Variants in NOBOX observed in about 807,000 individuals in gnomAD.
The protein encoded by NOBOX is NOBOX oogenesis homeobox, also known as homeobox protein NOBOX.
A neutral mutation model predicts 60.2 loss-of-function variants in NOBOX; 46 were observed. The observed-to-expected ratio is 0.76, with a 90% confidence interval of 0.60 to 0.98. The LOEUF (loss-of-function observed/expected upper bound fraction) is 0.98. NOBOX is among the 50% of genes least tolerant of loss of function. The pLI is 0.00. For missense variants in NOBOX, 880 were observed against 865.5 expected (o/e 1.02, Z -0.21); for synonymous variants, 360 against 346.3 (o/e 1.04, Z -0.44).
chr7:144,399,225 G>A (rs766626438), intron 7 of NOBOX, 47 bp from the exon 6 acceptor site: 5 of 1,023,556 alleles, frequency 4.9e-6, no homozygotes, highest in Middle Eastern at 2.1e-4. Flanking sequence ...GGAAATGGGA[G>A]GCAGGTTTGG....
intron 4 of NOBOX, 70 bp from the exon 3 acceptor site, chr7:144,400,382 G>A: frequency 7.2e-7 from 1 of 1,390,920 alleles, no homozygotes. Context: ...AAAGAGAGGT[G>A]CTCACCAAGT....
rs759956117 is a variant in NOBOX at position 144,401,406 on chromosome 7, G to A, written c.484C>T (p.Pro162Ser). 4.3e-6 allele frequency: 7 copies of A among 1,612,940 alleles called. 1 individual carries two copies. The South Asian group carries it at 5.5e-5, about 13-fold the overall frequency. Residue 162 changes from proline (P) to serine (S), a missense_variant, in exon 4 of 10, where the codon CCC (proline) becomes TCC (serine). By Grantham distance (74) the Pro-to-Ser change is moderately conservative (BLOSUM62 -1). Transcript: ENST00000467773. This position sits in a 1 kb window ranked among gnomAD's most constrained non-coding sequence, Gnocchi z 4.2. ...TCTTTGTGGGGAGCCCTGGAGCGGG[G>A]GGGCGGGCACAGTCTCCCAGCATCA...
chr7:144,396,964 G>A (rs980148742), downstream of NOBOX, among the ~76,000 whole-genome samples: 1 of 152,122 alleles, frequency 6.6e-6, no homozygotes, highest in African/African-American at 2.4e-5. Flanking sequence ...GTCAAGCAAG[G>A]ATAGGAAACA....
chr7:144,399,593 G>C (rs1234555112), intron 6 of NOBOX, 111 bp from the exon 5 acceptor site: 1 of 1,154,884 alleles, frequency 8.7e-7, no homozygotes, highest in Non-Finnish European at 1.3e-6. Flanking sequence ...ACAGGGCATT[G>C]GCAACTTCCC....
chr7:144,400,230 C>T lies in NOBOX; in HGVS notation c.927G>A (p.Val309=), dbSNP rs1342743876. 1 of 1,614,080 alleles carries T rather than the reference C, an allele frequency of 6.2e-7. No homozygotes were observed. Among genetic ancestry groups the T allele is most frequent in the South Asian group, 1.1e-5 (1 of 91,082 alleles). The change falls in exon 5 of 10, where the codon GTG becomes GTA. Residue 309 remains valine, a synonymous_variant. Coordinates refer to ENST00000467773, the MANE Select transcript of NOBOX (RefSeq NM_001080413.3). ...CCATGATGCGCTGGGGGGTCACCCCCACCGTCTGGGCAATCTCTCGGCGTT... is the reference window on the plus strand; with the variant it reads ...CCATGATGCGCTGGGGGGTCACCCCTACCGTCTGGGCAATCTCTCGGCGTT...
At chr7:144,403,009 G>A (rs1021188696) in intron 2 of NOBOX, among the ~76,000 whole-genome samples, 8 of 152,178 alleles carry the variant, frequency 5.3e-5, no homozygotes, top group Middle Eastern at 3.4e-3. Context: ...CACCAGCCTC[G>A]CCCTCCCAAC....
At position 144,399,267 on chromosome 7, in the gene NOBOX, A is replaced by G. The variant is rs1008810833; in HGVS notation, c.1241-89T>C. On this transcript the variant is annotated intron_variant, in intron 7 of 9. Transcript: ENST00000467773. ...TGAATGGTAGACACAAGCCATGCCC[A>G]GGTCCCCCTGAATAGGCCCTGCTGG... 9 of 941,196 alleles carry G rather than the reference A, an allele frequency of 9.6e-6. No individual in the cohort carries two copies. The African/African-American group carries it at 1.5e-4, about 15-fold the overall frequency. 58.3% of individuals were successfully genotyped at this position (941,196 alleles called of 1,614,324 possible).
intron 2 of NOBOX, among the ~76,000 whole-genome samples, chr7:144,402,580 C>A (rs1000047551): frequency 6.6e-6 from 1 of 151,970 alleles, no homozygotes; most frequent in Non-Finnish European, 1.5e-5. Context: ...ATCAAATGAT[C>A]CCCCCACTTT....
intron 1 of NOBOX, among the ~76,000 whole-genome samples, chr7:144,405,741 A>C (rs547854151): frequency 6.6e-6 from 1 of 151,432 alleles, no homozygotes; most frequent in East Asian, 1.9e-4. Flanking sequence ...TGTTCTTAAA[A>C]CCCCCTGGAT....
In NOBOX at chr7:144,404,573, G is replaced by T; in HGVS notation, c.193C>A (p.Leu65Met). ...CCCCGTACTGATTTGAGGGTCTCCA[G>T]AGCACAAAGGCTGCACCGGATGATG... The change falls in exon 2 of 10, where the codon CTG (leucine) becomes ATG (methionine). Residue 65 changes from leucine to methionine, a missense_variant. Transcript: ENST00000467773. 6.2e-7 allele frequency: 1 copy of T among 1,613,414 alleles called. No homozygotes were observed. Among genetic ancestry groups the T allele is most frequent in the South Asian group, 1.1e-5 (1 of 90,684 alleles).
At position 144,401,948 on chromosome 7, in the gene NOBOX, G is replaced by A. The variant is rs1397271036; in HGVS notation, c.213C>T (p.Pro71=). 5.6e-6 allele frequency: 9 copies of A among 1,610,570 alleles called. No homozygotes were observed. Among genetic ancestry groups the A allele is most frequent in the Non-Finnish European group, 7.6e-6 (9 of 1,177,054 alleles). ...CAGGTATCTCTAAGGGATCATGTTG[G>A]GGCTGCGGATGGACCAGGAAGACAA... The change falls in exon 3 of 10, where the codon CCC becomes CCT. Residue 71 remains proline, a splice_region_variant and synonymous_variant. Coordinates refer to ENST00000467773, the MANE Select transcript of NOBOX (RefSeq NM_001080413.3). The surrounding 1 kb of genome is among the most constrained non-coding windows in gnomAD (Gnocchi z 4.2).
rs1373186990 is a variant in NOBOX, at chr7:144,400,186, A to G, written c.971T>C (p.Leu324Pro). ...CCCTCCGCCACTCCACCCTGCCACC[A>G]GTGAGCCGGCCCCCTTTACCATGAT... The change falls in exon 5 of 10, where the codon CTG (leucine) becomes CCG (proline). Residue 324 changes from leucine to proline, a missense_variant. Coordinates refer to ENST00000467773, the MANE Select transcript of NOBOX (RefSeq NM_001080413.3). 2 of 1,614,002 alleles carry G rather than the reference A, an allele frequency of 1.2e-6. No homozygotes were observed. The highest frequency in any genetic ancestry group is 1.7e-6 in the Non-Finnish European group (2 of 1,179,894).
rs376059103 is a variant in NOBOX at position 144,404,692 on chromosome 7, G to A, written c.86-12C>T. 4 of 1,613,012 alleles carry A rather than the reference G, an allele frequency of 2.5e-6. No homozygotes were observed. Among genetic ancestry groups the A allele is most frequent in the Non-Finnish European group, 3.4e-6 (4 of 1,179,504 alleles). Reference sequence around the variant, plus strand: ...AGCCAGGGGCGGCCCTGCCAGGGACGGTGTGGTTACTGTGTTTCCATCCAT... The same window carrying A: ...AGCCAGGGGCGGCCCTGCCAGGGACAGTGTGGTTACTGTGTTTCCATCCAT... On this transcript the variant is annotated splice_polypyrimidine_tract_variant and intron_variant, in intron 1 of 9. Transcript: ENST00000467773.
Position 144,404,653 on chromosome 7 carries a change from G to C in NOBOX, c.113C>G (p.Pro38Arg). ...GTAGATCCGGTACAGTCCACACACA[G>C]GAAATTCAGGTACAGCCAGGGGCGG... Residue 38 changes from proline to arginine, a missense_variant, in exon 2 of 10, where the codon CCT (proline) becomes CGT (arginine). By Grantham distance (103) the Pro-to-Arg change is moderately radical. Coordinates refer to ENST00000467773, the MANE Select transcript of NOBOX (RefSeq NM_001080413.3). 3 of 1,613,914 alleles carry C rather than the reference G, an allele frequency of 1.9e-6. No homozygotes were observed. The highest frequency in any genetic ancestry group is 2.5e-6 in the Non-Finnish European group (3 of 1,179,816).
intron 7 of NOBOX, 34 bp downstream of exon 5, chr7:144,399,363 C>A: frequency 6.9e-7 from 1 of 1,445,028 alleles, no homozygotes. Flanking sequence ...TCTTTAGTTG[C>A]CATTTTCCCC....
chr7:144,401,053 G>C lies in NOBOX; in HGVS notation c.837C>G (p.Tyr279Ter). 1 of 1,525,354 alleles carries C rather than the reference G, an allele frequency of 6.6e-7. No homozygotes were observed. The highest frequency in any genetic ancestry group is 8.8e-7 in the Non-Finnish European group (1 of 1,139,242). The allele number at this position is 1,525,354 out of a possible 1,614,324, so 94.5% of individuals were successfully genotyped here. A position where few individuals can be genotyped will look rare whatever the true frequency, so the allele number is the denominator to read the frequency against. Reference sequence around the variant, plus strand: ...CTCTCTTTAGGGACTTACCTGAGCGGTATAGGGTTCGTGTCTTTTTCCTAA... The same window carrying C: ...CTCTCTTTAGGGACTTACCTGAGCGCTATAGGGTTCGTGTCTTTTTCCTAA... The change falls in exon 4 of 10, where the codon TAC (tyrosine) becomes TAG (stop). Residue 279 changes from tyrosine to a stop codon, truncating the protein, a stop_gained. Coordinates refer to ENST00000467773, the MANE Select transcript of NOBOX (RefSeq NM_001080413.3). LOFTEE classifies it high-confidence loss of function. This position sits in a 1 kb window ranked among gnomAD's most constrained non-coding sequence, Gnocchi z 4.2.
Position 144,401,125 on chromosome 7 carries a change from G to A in NOBOX, c.765C>T (p.Asn255=), listed in dbSNP as rs532379788. The change falls in exon 4 of 10, where the codon AAC becomes AAT. Residue 255 remains asparagine (N), a synonymous_variant. Coordinates refer to ENST00000467773, the MANE Select transcript of NOBOX (RefSeq NM_001080413.3). The surrounding 1 kb of genome is among the most constrained non-coding windows in gnomAD (Gnocchi z 4.2). ...GCCCCTGCTTGTGGTCTCTGTTTTG[G>A]TTGCTCTGCGCCAATGTACTGAGGA... 38 of 1,574,466 alleles carry A rather than the reference G, an allele frequency of 2.4e-5. No individual in the cohort carries two copies. The South Asian group carries it at 4.2e-4, about 18-fold the overall frequency.
chr7:144,397,526 C>T lies in NOBOX; in HGVS notation c.1790G>A (p.Ser597Asn). Residue 597 changes from serine to asparagine, a missense_variant, in exon 10 of 10, where the codon AGT becomes AAT. By Grantham distance (46) the Ser-to-Asn change is conservative. Transcript: ENST00000467773. ...GGGCAGCTCTGGCAAACAGGGGTCA[C>T]TCCAGGAGGCTGTACCTGTGGGGTC... 1 of 1,528,904 alleles carries T rather than the reference C, an allele frequency of 6.5e-7. No homozygotes were observed. Among genetic ancestry groups the T allele is most frequent in the Non-Finnish European group, 8.8e-7 (1 of 1,141,552 alleles). 94.7% of individuals were successfully genotyped at this position (1,528,904 alleles called of 1,614,324 possible).
In NOBOX at chr7:144,399,034, G is replaced by C. The variant is rs746278371; in HGVS notation, c.1385C>G (p.Thr462Ser). The stretch of plus-strand genomic sequence containing the variant: ...CATCAGCAGTGGCATCAGTTGGGGG[G>C]TGTGGACAGGGCCAAGGGGGAAAGG... Residue 462 changes from threonine (T) to serine (S), a missense_variant, in exon 8 of 10, where the codon ACC (threonine) becomes AGC (serine). Thr to Ser is a moderately conservative substitution (Grantham distance 58, BLOSUM62 1). Transcript: ENST00000467773. 6.3e-7 allele frequency: 1 copy of C among 1,598,948 alleles called. No individual in the cohort carries two copies. Among genetic ancestry groups the C allele is most frequent in the Admixed American group, 1.7e-5 (1 of 57,778 alleles).
Sources: allele counts gnomAD v4.1 joint callset (sites outside exome capture counted in the v4.1 genomes callset), GRCh38; gene constraint gnomAD v4.1.1; non-coding constraint Gnocchi (gnomAD v3.1); transcripts MANE v1.5; gene names NCBI Gene and HGNC (gene_info 2026-07-23, HGNC 2026-07-21).